TTC28: variants seen among roughly 807,000 people sequenced by gnomAD.
The protein encoded by TTC28 is tetratricopeptide repeat protein 28.
Under a neutral mutation model 198.0 loss-of-function variants are expected in TTC28, and 61 were observed. The observed-to-expected ratio is 0.31, with a 90% CI of 0.25 to 0.38. TTC28 has a LOEUF of 0.38. Ranked by LOEUF, TTC28 falls within the 10% of genes least tolerant of loss-of-function variation. The pLI, the probability that TTC28 is intolerant of heterozygous loss-of-function variation, is 1.00. For missense variants in TTC28, 2,678 were observed against 3,164.0 expected (o/e 0.85, Z 3.69); for synonymous variants, 1,171 against 1,297.8 (o/e 0.90, Z 2.10).
intron 5 of TTC28, among the ~76,000 whole-genome samples, chr22:28,178,940 A>G (rs903618207): frequency 6.6e-6 from 1 of 152,164 alleles, no homozygotes; most frequent in Admixed American, 6.5e-5. Flanking sequence ...TTTAGCCTCT[A>G]TTGATGAATT....
chr22:28,563,088 A>C (rs573709431), intron 2 of TTC28, among the ~76,000 whole-genome samples: 1 of 152,224 alleles, frequency 6.6e-6, no homozygotes, highest in Admixed American at 6.5e-5. Context: ...GAGCCACTAC[A>C]CTCCAACCTG....
At chr22:28,508,266 C>T (rs2048639596) in intron 2 of TTC28, among the ~76,000 whole-genome samples, 1 of 151,832 alleles carries the variant, frequency 6.6e-6, no homozygotes, top group Non-Finnish European at 1.5e-5. Flanking sequence ...TCTGACAAAA[C>T]ACACTTTATT....
intron 2 of TTC28, among the ~76,000 whole-genome samples, chr22:28,451,941 T>C (rs1447021159): frequency 1.3e-5 from 2 of 152,174 alleles, no homozygotes; most frequent in Non-Finnish European, 1.5e-5. Context: ...GGCCAGAATA[T>C]ACAGCTTTGA....
chr22:28,236,094 T>C (rs1165119656), intron 5 of TTC28, among the ~76,000 whole-genome samples: 1 of 152,150 alleles, frequency 6.6e-6, no homozygotes, highest in Non-Finnish European at 1.5e-5. Context: ...TCGTAATGAT[T>C]ACATGGAAGC....
chr22:28,146,575 C>T (rs1943474599), intron 6 of TTC28, among the ~76,000 whole-genome samples: 1 of 152,170 alleles, frequency 6.6e-6, no homozygotes, highest in South Asian at 2.1e-4. Context: ...TTGTGAAGGG[C>T]TTGATAACTT....
At chr22:28,284,674 A>T (rs2044646836) in intron 5 of TTC28, among the ~76,000 whole-genome samples, 1 of 152,152 alleles carries the variant, frequency 6.6e-6, no homozygotes, top group Admixed American at 6.5e-5. Context: ...AACCCAATTT[A>T]AAAAAAGCAA....
chr22:28,376,505 ATAACT>A (rs1347107447), intron 2 of TTC28, among the ~76,000 whole-genome samples: 15 of 152,330 alleles, frequency 9.8e-5, no homozygotes, highest in African/African-American at 3.4e-4. Context: ...AACATACCTA[ATAACT>A]TAAACAACTA....
At chr22:28,271,733 TA>T (rs1422317805) in intron 5 of TTC28, among the ~76,000 whole-genome samples, 1 of 151,932 alleles carries the variant, frequency 6.6e-6, no homozygotes, top group East Asian at 1.9e-4. Context: ...GCCTCCCGAG[TA>T]GCTAGGATTA....
At chr22:28,358,826 G>A (rs1286125857) in intron 2 of TTC28, among the ~76,000 whole-genome samples, 2 of 152,116 alleles carry the variant, frequency 1.3e-5, no homozygotes, top group East Asian at 3.9e-4. Flanking sequence ...TATGATTCCT[G>A]ACCCTCCTCA....
At position 28,318,812 on chromosome 22, in the gene TTC28, CTTTTTT is replaced by C. The variant is rs71316836; in HGVS notation, c.382-12175_382-12170del. On this transcript the variant is annotated intron_variant, in intron 2 of 22. Transcript: ENST00000397906. ...AAAAATGTAGGCTGGGAAGTGTATT[CTTTTTT>C]TTTTTTTTTTTTTTTTTTTGGACAG... Among the ~76,000 whole-genome samples the C allele has an allele frequency of 4.9e-5, 3 of 61,334 alleles. No individual in the cohort carries two copies. In the South Asian group the frequency reaches 3.1e-3, roughly 64 times the overall value. 40.2% of individuals were successfully genotyped at this position (61,334 alleles called of 152,430 possible).
At chr22:28,631,613 C>T (rs1053874208) in intron 1 of TTC28, among the ~76,000 whole-genome samples, 2 of 151,990 alleles carry the variant, frequency 1.3e-5, no homozygotes, top group African/African-American at 2.4e-5. Flanking sequence ...AGCCTCAAAC[C>T]TTCTGGACTC....
intron 2 of TTC28, among the ~76,000 whole-genome samples, chr22:28,422,336 C>A (rs974509331): frequency 3.3e-5 from 5 of 152,172 alleles, no homozygotes; most frequent in African/African-American, 9.7e-5. Context: ...TAACGCAATA[C>A]CACAAACACT....
At chr22:28,375,776 T>C (rs754141864) in intron 2 of TTC28, among the ~76,000 whole-genome samples, 6 of 152,116 alleles carry the variant, frequency 3.9e-5, no homozygotes, top group Non-Finnish European at 7.4e-5. Flanking sequence ...GGGTGAACCA[T>C]ACAAATGGCT....
chr22:28,119,818 G>A (rs2146935939), intron 6 of TTC28, among the ~76,000 whole-genome samples: 1 of 152,304 alleles, frequency 6.6e-6, no homozygotes, highest in East Asian at 1.9e-4. Context: ...TTTTTGTACT[G>A]TCATCCAGCT....
At chr22:28,451,534 A>AAC (rs2047777960) in intron 2 of TTC28, among the ~76,000 whole-genome samples, 1 of 152,240 alleles carries the variant, frequency 6.6e-6, no homozygotes, top group Admixed American at 6.5e-5. Flanking sequence ...TAAGGAGAAC[A>AAC]ACATACAGCA....
chr22:28,413,749 TA>T (rs5844809), intron 2 of TTC28, among the ~76,000 whole-genome samples: 2 of 151,598 alleles, frequency 1.3e-5, no homozygotes, highest in South Asian at 4.2e-4. Flanking sequence ...GGCTAAAAGT[TA>T]AAAAAAAGGT....
chr22:28,237,082 T>C (rs1340473120), intron 5 of TTC28, among the ~76,000 whole-genome samples: 1 of 152,166 alleles, frequency 6.6e-6, no homozygotes, highest in Non-Finnish European at 1.5e-5. Flanking sequence ...AGTGAGCATT[T>C]TTTAGGATCT....
chr22:28,056,971 A>G, intron 12 of TTC28, among the ~76,000 whole-genome samples: 1 of 152,208 alleles, frequency 6.6e-6, no homozygotes, highest in Non-Finnish European at 1.5e-5. Flanking sequence ...TTGTATTTAC[A>G]GCTTCTTACT....
intron 2 of TTC28, among the ~76,000 whole-genome samples, chr22:28,443,330 C>CA (rs2047653834): frequency 6.6e-6 from 1 of 152,162 alleles, no homozygotes; most frequent in Non-Finnish European, 1.5e-5. Context: ...CTCCTCTTCT[C>CA]AAAAAAGATT....
Sources: allele counts gnomAD v4.1 joint callset (sites outside exome capture counted in the v4.1 genomes callset), GRCh38; gene constraint gnomAD v4.1.1; transcripts MANE v1.5; gene names NCBI Gene and HGNC (gene_info 2026-07-23, HGNC 2026-07-21).